The following LRRC37B variants were observed in gnomAD, a reference collection of about 807,000 sequenced individuals.
The protein encoded by LRRC37B is leucine rich repeat containing 37B.
LRRC37B carries 28 observed loss-of-function variants against 98.3 expected under a neutral mutation model. That is an observed-to-expected ratio of 0.28 (90% CI 0.21 to 0.39). The LOEUF is 0.39. Among genes scored for constraint, LRRC37B ranks in the 10% least tolerant of loss-of-function variants. The pLI, the probability that LRRC37B is intolerant of heterozygous loss-of-function variation, is 1.00. For synonymous variants in LRRC37B, 364 were observed against 442.7 expected, an observed-to-expected ratio of 0.82 and a Z score of 2.23; for missense variants, 938 against 1,182.7, an observed-to-expected ratio of 0.79 and a Z score of 3.03.
intron 1 of LRRC37B, among the ~76,000 whole-genome samples, chr17:32,008,570 A>G (rs1181267946): frequency 6.6e-6 from 1 of 152,208 alleles, no homozygotes; most frequent in Non-Finnish European, 1.5e-5. Flanking sequence ...GATTTTCATT[A>G]TATATCTGTT....
chr17:32,047,976 G>A (rs2627099), intron 9 of LRRC37B, 75 bp downstream of exon 12: 4 of 1,611,556 alleles, frequency 2.5e-6, no homozygotes, highest in East Asian at 2.2e-5. Context: ...TCTCTCACTG[G>A]GAAATCTAGG....
upstream of LRRC37B, chr17:32,020,824 A>T (rs1239870094): frequency 1.3e-6 from 1 of 752,962 alleles, no homozygotes; most frequent in African/African-American, 1.8e-5. Flanking sequence ...TTCCTTGGGA[A>T]GCTCTGCCGT....
At chr17:32,021,448 T>C (rs777621549) in exon 1 of LRRC37B, 5 of 1,613,936 alleles carry the variant, frequency 3.1e-6, no homozygotes, top group Non-Finnish European at 4.2e-6. Flanking sequence ...CTGAAGGAAT[T>C]GGATTCAGCT....
chr17:32,041,887 C>T (rs1331230209), intron 7 of LRRC37B: 2 of 454,216 alleles, frequency 4.4e-6, no homozygotes, highest in East Asian at 6.6e-5. Context: ...CACCTCCGTC[C>T]TGACCCCATG....
chr17:32,018,431 G>A (rs1406534417), upstream of LRRC37B, among the ~76,000 whole-genome samples: 4 of 152,192 alleles, frequency 2.6e-5, no homozygotes, highest in Non-Finnish European at 5.9e-5. Context: ...TCATTCTCAG[G>A]AAAATGTGAA....
chr17:32,035,298 G>A (rs543941032), intron 6 of LRRC37B, among the ~76,000 whole-genome samples: 1 of 152,060 alleles, frequency 6.6e-6, no homozygotes, highest in East Asian at 1.9e-4. Context: ...AGTAAATCAA[G>A]ATGGGTGAAT....
intron 1 of LRRC37B, 71 bp downstream of exon 4, chr17:32,022,896 C>T: frequency 6.8e-7 from 1 of 1,479,324 alleles, no homozygotes; most frequent in Non-Finnish European, 9.4e-7. Context: ...GGAGGCCTTC[C>T]TGGGCCTTCT....
At chr17:32,015,004 C>T (rs1910619946) in intron 1 of LRRC37B, among the ~76,000 whole-genome samples, 1 of 152,056 alleles carries the variant, frequency 6.6e-6, no homozygotes, top group African/African-American at 2.4e-5. Flanking sequence ...TGGTGGTGGA[C>T]TCCTGTAATC....
upstream of LRRC37B, among the ~76,000 whole-genome samples, chr17:32,016,661 A>C (rs1910653609): frequency 6.6e-6 from 1 of 152,176 alleles, no homozygotes. Context: ...GATTCTGTAA[A>C]TTTGGGTTGC....
At position 32,047,707 on chromosome 17, in the gene LRRC37B, T is replaced by C. The variant is rs541662847; in HGVS notation, c.2324-54T>C. The C allele has an allele frequency of 2.9e-5, 46 of 1,613,060 alleles. No homozygotes were observed. In the African/African-American group the frequency reaches 5.7e-4, roughly 20 times the overall value. ...GGGGCATATAGCTATGGACTGAGTATGAAAGATGATCAAAGATATTTCATG... is the reference window on the plus strand; with the variant it reads ...GGGGCATATAGCTATGGACTGAGTACGAAAGATGATCAAAGATATTTCATG... On this transcript the variant is annotated intron_variant, in intron 8 of 11. Coordinates refer to ENST00000327564, the Ensembl canonical transcript of LRRC37B.
chr17:32,035,816 A>G, intron 7 of LRRC37B, 177 bp downstream of exon 10: 3 of 627,190 alleles, frequency 4.8e-6, no homozygotes, highest in Non-Finnish European at 7.5e-6. Context: ...CACATTCCCA[A>G]TATAAAGCAT....
chr17:32,009,267 C>CT (rs758740393), intron 1 of LRRC37B, among the ~76,000 whole-genome samples: 11,729 of 145,978 alleles, frequency 0.08, 702 homozygotes, highest in African/African-American at 0.17. Context: ...ATACTAAAAT[C>CT]TTTTTTTTTT....
At position 32,022,269 on chromosome 17, in the gene LRRC37B, G is replaced by A. The variant is rs371036419; in HGVS notation, c.1204G>A (p.Glu402Lys). 8.4e-5 allele frequency: 135 copies of A among 1,613,910 alleles called. 1 individual carries two copies. Among genetic ancestry groups the A allele is most frequent in the South Asian group, 5.2e-4 (47 of 91,070 alleles). ...GCAGGAGGCCCCAATTCAGCCTCCCGAGGAGGCGGAACCTTCTTCTACAGC... is the reference window on the plus strand; with the variant it reads ...GCAGGAGGCCCCAATTCAGCCTCCCAAGGAGGCGGAACCTTCTTCTACAGC... Residue 402 changes from glutamate to lysine, a missense_variant, in exon 1 of 12, where the codon GAG becomes AAG. Around this residue, in one of 2 missense-constraint regions of LRRC37B, gnomAD observed 610 missense variants for 625.6 expected, o/e 0.98. Coordinates refer to ENST00000327564, the Ensembl canonical transcript of LRRC37B.
intron 2 of LRRC37B, among the ~76,000 whole-genome samples, 154 bp from the exon 6 acceptor site, chr17:32,027,615 G>A (rs913245429): frequency 4.6e-5 from 7 of 152,068 alleles, no homozygotes; most frequent in Non-Finnish European, 8.8e-5. Flanking sequence ...ACACAAAAAG[G>A]AAAATGGAAG....
chr17:32,031,259 C>A, intron 4 of LRRC37B, 119 bp from the exon 8 acceptor site: 1 of 1,466,078 alleles, frequency 6.8e-7, no homozygotes, highest in Non-Finnish European at 9.2e-7. Flanking sequence ...AGTGAGATTG[C>A]CTTAGTGCAC....
intron 7 of LRRC37B, chr17:32,040,287 G>A (rs921656554): frequency 4.4e-5 from 14 of 319,378 alleles, no homozygotes; most frequent in Non-Finnish European, 7.3e-5. Context: ...GATTGAAGGA[G>A]ACTAAAGAAT....
exon 1 of LRRC37B, chr17:32,021,842 G>A: frequency 2.5e-6 from 4 of 1,614,170 alleles, no homozygotes; most frequent in Non-Finnish European, 3.4e-6. Flanking sequence ...TGGACACACT[G>A]TATCCCGGCA....
At chr17:32,044,409 T>C (rs1911520976) in intron 7 of LRRC37B, among the ~76,000 whole-genome samples, 1 of 152,234 alleles carries the variant, frequency 6.6e-6, no homozygotes, top group Non-Finnish European at 1.5e-5. Flanking sequence ...GAGTCAAAGA[T>C]AGTTGTCTTG....
In LRRC37B at chr17:32,022,132, C is replaced by G. The variant is rs1251605591; in HGVS notation, c.1067C>G (p.Pro356Arg). 4 of 1,613,618 alleles carry G rather than the reference C, an allele frequency of 2.5e-6. No individual in the cohort carries two copies. In the African/African-American group the frequency reaches 5.3e-5, roughly 22 times the overall value. ...AATCATGAAGTGACAGTTCAACCTC[C>G]AGGTGAGGATCAAGCTCATTATAAT... Residue 356 changes from proline (P) to arginine (R), a missense_variant, in exon 1 of 12, where the codon CCA becomes CGA. Pro to Arg is a moderately radical substitution (Grantham distance 103). This residue lies in a region of LRRC37B where 610 missense variants were observed against 625.6 expected (regional missense o/e 0.98). Transcript: ENST00000327564.
Sources: gnomAD v4.1 joint callset for allele counts (sites outside exome capture counted in the v4.1 genomes callset) on GRCh38, gnomAD v4.1.1 for gene constraint, gnomAD v4.1.1 regional missense constraint, MANE v1.5 for transcripts, NCBI Gene and HGNC (gene_info 2026-07-23, HGNC 2026-07-21) for gene names.